CSMD1: variants seen among roughly 807,000 people sequenced by gnomAD.
CSMD1 encodes CUB and sushi domain-containing protein 1.
A neutral mutation model predicts 417.5 loss-of-function variants in CSMD1; 213 were observed. The observed-to-expected ratio is 0.51, with a 90% CI of 0.46 to 0.57. The LOEUF is 0.57. CSMD1 is among the 20% of genes least tolerant of loss of function. CSMD1 has a pLI of 0.00. For synonymous variants in CSMD1, 2,862 were observed against 1,736.8 expected, an observed-to-expected ratio of 1.65 and a Z score of -16.11; for missense variants, 6,923 against 4,529.7, an observed-to-expected ratio of 1.53 and a Z score of -15.17.
chr8:4,692,958 G>T (rs527633545), intron 1 of CSMD1, among the ~76,000 whole-genome samples: 11 of 152,268 alleles, frequency 7.2e-5, no homozygotes, highest in Non-Finnish European at 1.5e-4. Flanking sequence ...TCCCCAAGAG[G>T]TCACCTGCCT....
At chr8:3,167,049 G>T (rs1820268544) in intron 37 of CSMD1, among the ~76,000 whole-genome samples, 1 of 152,158 alleles carries the variant, frequency 6.6e-6, no homozygotes, top group African/African-American at 2.4e-5. Context: ...CACTTTGGGA[G>T]GCCAAGGCAG....
intron 1 of CSMD1, among the ~76,000 whole-genome samples, chr8:4,647,791 G>A (rs1019921581): frequency 2.0e-5 from 3 of 152,134 alleles, no homozygotes; most frequent in East Asian, 3.9e-4. Flanking sequence ...TGTATGTACT[G>A]GATTTTCTTT....
intron 3 of CSMD1, among the ~76,000 whole-genome samples, chr8:4,370,951 C>T (rs879277747): frequency 4.9e-4 from 75 of 152,184 alleles, no homozygotes; most frequent in Admixed American, 4.8e-3. Flanking sequence ...TGGTTTGAAT[C>T]CATTGCTGGC....
chr8:3,243,771 CA>C (rs1391205595), intron 26 of CSMD1, among the ~76,000 whole-genome samples: 1 of 150,196 alleles, frequency 6.7e-6, no homozygotes, highest in Non-Finnish European at 1.5e-5. Flanking sequence ...TAAACAATAT[CA>C]TTTATATATA....
intron 1 of CSMD1, among the ~76,000 whole-genome samples, chr8:4,719,780 T>A (rs118039671): frequency 7.6e-4 from 116 of 152,318 alleles, no homozygotes; most frequent in Non-Finnish European, 1.3e-3. Flanking sequence ...CAAATTATTA[T>A]TTCCCTTTGA....
chr8:4,749,595 A>C (rs1811176188), intron 1 of CSMD1, among the ~76,000 whole-genome samples: 1 of 152,230 alleles, frequency 6.6e-6, no homozygotes, highest in Non-Finnish European at 1.5e-5. Flanking sequence ...TCTTGTACAG[A>C]GGATAATTAT....
chr8:4,646,146 C>A (rs1214667611), intron 1 of CSMD1, among the ~76,000 whole-genome samples: 1 of 152,218 alleles, frequency 6.6e-6, no homozygotes, highest in Non-Finnish European at 1.5e-5. Context: ...GAAGTCAATG[C>A]TACTTTTCTT....
intron 36 of CSMD1, among the ~76,000 whole-genome samples, chr8:3,186,183 T>C (rs1376706345): frequency 1.3e-5 from 2 of 152,222 alleles, no homozygotes; most frequent in Non-Finnish European, 2.9e-5. Flanking sequence ...TTGTTGATGA[T>C]GTTTTTAATG....
intron 8 of CSMD1, among the ~76,000 whole-genome samples, chr8:3,587,002 G>A (rs530117231): frequency 1.3e-5 from 2 of 152,254 alleles, no homozygotes; most frequent in East Asian, 1.9e-4. Flanking sequence ...GTTTCACCAT[G>A]TTCGCCAGGC....
chr8:4,392,729 G>GGAGGCT (rs926588110), intron 3 of CSMD1, among the ~76,000 whole-genome samples: 2 of 151,746 alleles, frequency 1.3e-5, no homozygotes, highest in African/African-American at 4.8e-5. Flanking sequence ...CAGCACTTTG[G>GGAGGCT]GAGGCTGAGG....
At chr8:4,457,375 T>C (rs1799552532) in intron 2 of CSMD1, among the ~76,000 whole-genome samples, 1 of 152,054 alleles carries the variant, frequency 6.6e-6, no homozygotes, top group South Asian at 2.1e-4. Flanking sequence ...GATTGGGGCT[T>C]CCCGAGGTCT....
At chr8:4,155,846 C>G (rs1431522290) in intron 3 of CSMD1, among the ~76,000 whole-genome samples, 1 of 152,084 alleles carries the variant, frequency 6.6e-6, no homozygotes, top group African/African-American at 2.4e-5. Flanking sequence ...TTAAATAAGG[C>G]AAAATGAAAC....
At chr8:3,040,740 T>C (rs1308413674) in intron 50 of CSMD1, among the ~76,000 whole-genome samples, 2 of 151,870 alleles carry the variant, frequency 1.3e-5, no homozygotes, top group African/African-American at 4.8e-5. Context: ...GAGACAGAGG[T>C]TAGAGCGAGT....
chr8:3,559,315 T>A (rs1471278488), intron 10 of CSMD1, among the ~76,000 whole-genome samples: 1 of 152,200 alleles, frequency 6.6e-6, no homozygotes, highest in Non-Finnish European at 1.5e-5. Context: ...AATGATTGTT[T>A]GTGATTTCAA....
chr8:3,063,331 G>C (rs907233657), intron 49 of CSMD1, among the ~76,000 whole-genome samples: 2 of 152,070 alleles, frequency 1.3e-5, no homozygotes, highest in Non-Finnish European at 2.9e-5. Flanking sequence ...AAAAACGATA[G>C]CAAAAACTAG....
At chr8:3,954,125 G>T (rs1173433312) in intron 5 of CSMD1, among the ~76,000 whole-genome samples, 6 of 152,172 alleles carry the variant, frequency 3.9e-5, no homozygotes, top group African/African-American at 1.4e-4. Context: ...AGAGATCCCA[G>T]TTTCCCGAGG....
chr8:4,234,726 TG>T (rs1408331574), intron 3 of CSMD1, among the ~76,000 whole-genome samples: 1 of 152,190 alleles, frequency 6.6e-6, no homozygotes, highest in Non-Finnish European at 1.5e-5. Flanking sequence ...GTGTCGCTGC[TG>T]CCGCTGAAAA....
At chr8:4,693,553 A>G (rs991079513) in intron 1 of CSMD1, among the ~76,000 whole-genome samples, 7 of 152,166 alleles carry the variant, frequency 4.6e-5, no homozygotes, top group East Asian at 1.9e-4. Context: ...TTTATTTTAA[A>G]TATGCATCAA....
chr8:3,385,770 A>G (rs1356655655), intron 18 of CSMD1, among the ~76,000 whole-genome samples: 1 of 152,134 alleles, frequency 6.6e-6, no homozygotes, highest in Non-Finnish European at 1.5e-5. Flanking sequence ...CTTTCCAGAA[A>G]AACTTAGGCA....
Sources: gnomAD v4.1 joint callset for allele counts (sites outside exome capture counted in the v4.1 genomes callset) on GRCh38, gnomAD v4.1.1 for gene constraint, MANE v1.5 for transcripts, NCBI Gene and HGNC (gene_info 2026-07-23, HGNC 2026-07-21) for gene names.